PDS5B: variants seen among roughly 807,000 people sequenced by gnomAD.
PDS5B encodes sister chromatid cohesion protein PDS5 homolog B.
PDS5B carries 51 observed loss-of-function variants against 184.1 expected under a neutral mutation model. The ratio of observed to expected loss-of-function variants is 0.28; its 90% CI spans 0.22 to 0.35. The LOEUF (loss-of-function observed/expected upper bound fraction) is 0.35. Ranked by LOEUF, PDS5B falls within the 10% of genes least tolerant of loss-of-function variation. The pLI, the probability that PDS5B is intolerant of heterozygous loss-of-function variation, is 1.00. For missense variants in PDS5B, 1,180 were observed against 1,723.3 expected (o/e 0.68, Z 5.58); for synonymous variants, 566 against 569.2 (o/e 0.99, Z 0.08).
chr13:32,774,275 T>G (rs1210457853), intron 34 of PDS5B, among the ~76,000 whole-genome samples: 2 of 152,216 alleles, frequency 1.3e-5, no homozygotes, highest in Non-Finnish European at 2.9e-5. Flanking sequence ...TCTGTCCTGT[T>G]TAATGGAATC....
At chr13:32,619,216 T>G (rs1313942220) in intron 1 of PDS5B, among the ~76,000 whole-genome samples, 1 of 152,186 alleles carries the variant, frequency 6.6e-6, no homozygotes, top group East Asian at 1.9e-4. Context: ...AGCATCTTTA[T>G]GATATAGACA....
At chr13:32,767,799 A>G (rs1347735962) in intron 31 of PDS5B, among the ~76,000 whole-genome samples, 2 of 152,198 alleles carry the variant, frequency 1.3e-5, no homozygotes, top group Admixed American at 6.5e-5. Flanking sequence ...AACTGAATAT[A>G]TAATTGCAAA....
chr13:32,680,411 T>A (rs1334631205), intron 10 of PDS5B, among the ~76,000 whole-genome samples: 1 of 152,240 alleles, frequency 6.6e-6, no homozygotes, highest in African/African-American at 2.4e-5. Context: ...TACTTCCTCT[T>A]CATCCTGTCA....
intron 3 of PDS5B, among the ~76,000 whole-genome samples, chr13:32,654,544 T>A (rs971645743): frequency 6.6e-6 from 1 of 152,088 alleles, no homozygotes; most frequent in African/African-American, 2.4e-5. Flanking sequence ...TTTAAAAAAT[T>A]GTGTTTTAGG....
chr13:32,720,904 A>G (rs1473078000), intron 19 of PDS5B, among the ~76,000 whole-genome samples: 1 of 152,094 alleles, frequency 6.6e-6, no homozygotes, highest in African/African-American at 2.4e-5. Flanking sequence ...CACCGCCCTT[A>G]ATCCATTTAA....
At chr13:32,672,746 C>G (rs972515012) in intron 7 of PDS5B, among the ~76,000 whole-genome samples, 1 of 152,168 alleles carries the variant, frequency 6.6e-6, no homozygotes, top group African/African-American at 2.4e-5. Context: ...ATTGGGCCTT[C>G]CAGCCTATTT....
Position 32,718,611 on chromosome 13 carries a change from T to C in PDS5B, c.2123+8505T>C, listed in dbSNP as rs1952564174. Among the ~76,000 whole-genome samples the C allele has an allele frequency of 2.6e-5, 4 of 152,226 alleles. No individual in the cohort carries two copies. The South Asian group carries it at 8.3e-4, about 31-fold the overall frequency. ...TGAGATACCACACTATCTCTGCTAT[T>C]GTTTAACATTGTTTTGGAAGCATTA... On this transcript the variant is annotated intron_variant, in intron 19 of 34. Transcript: ENST00000315596.
At chr13:32,594,995 A>G (rs1193889084) in intron 1 of PDS5B, among the ~76,000 whole-genome samples, 2 of 152,174 alleles carry the variant, frequency 1.3e-5, no homozygotes, top group Non-Finnish European at 2.9e-5. Flanking sequence ...TTCTTCTCCA[A>G]GGCTTCTAGT....
chr13:32,626,705 T>C (rs187593172), intron 1 of PDS5B, among the ~76,000 whole-genome samples: 2 of 152,312 alleles, frequency 1.3e-5, no homozygotes, highest in African/African-American at 4.8e-5. Context: ...CTCTTATAAA[T>C]GTACAGTGAG....
intron 30 of PDS5B, among the ~76,000 whole-genome samples, chr13:32,762,366 C>G (rs774865775): frequency 6.6e-6 from 1 of 151,960 alleles, no homozygotes; most frequent in Non-Finnish European, 1.5e-5. Flanking sequence ...TGAAATCTTA[C>G]CAAATTTCTT....
At chr13:32,627,092 A>T (rs980725469) in intron 1 of PDS5B, among the ~76,000 whole-genome samples, 1 of 152,170 alleles carries the variant, frequency 6.6e-6, no homozygotes, top group East Asian at 1.9e-4. Flanking sequence ...TAGAACAATG[A>T]TCTCATGTTC....
intron 24 of PDS5B, among the ~76,000 whole-genome samples, chr13:32,749,551 C>T (rs756020086): frequency 1.3e-5 from 2 of 152,134 alleles, no homozygotes; most frequent in East Asian, 3.8e-4. Flanking sequence ...GAAAGATTTA[C>T]TCTGTACTTC....
At chr13:32,738,907 C>T (rs1042149775) in intron 21 of PDS5B, among the ~76,000 whole-genome samples, 11 of 151,986 alleles carry the variant, frequency 7.2e-5, no homozygotes, top group South Asian at 4.1e-4. Flanking sequence ...CCTGAACTCA[C>T]GTGATCCACC....
rs565663070 is a variant in PDS5B, at chr13:32,696,144, G to A, written c.1552-710G>A. 7.6e-4 allele frequency among the ~76,000 whole-genome samples: 116 copies of A among 152,204 alleles called. 2 individuals carry two copies. Among genetic ancestry groups the A allele is most frequent in the South Asian group, 5.8e-3 (28 of 4,824 alleles). On this transcript the variant is annotated intron_variant, in intron 14 of 34. Transcript: ENST00000315596. The stretch of plus-strand genomic sequence containing the variant: ...CCTCTTAGCAAGCTCATTCTCAATA[G>A]GGATGGTCTTTTTGTGTATTTATTT...
intron 31 of PDS5B, among the ~76,000 whole-genome samples, chr13:32,766,139 G>C (rs535865562): frequency 6.6e-6 from 1 of 152,148 alleles, no homozygotes; most frequent in Admixed American, 6.6e-5. Context: ...TGGTCACCAC[G>C]TTGAAAATGC....
At chr13:32,655,357 G>A (rs1189028990) in intron 3 of PDS5B, among the ~76,000 whole-genome samples, 1 of 25,366 alleles carries the variant, frequency 3.9e-5, no homozygotes, top group African/African-American at 2.1e-4. Flanking sequence ...CATGTTCTTT[G>A]CCATATATAT....
chr13:32,662,210 G>T (rs1162885148), intron 6 of PDS5B, among the ~76,000 whole-genome samples: 1 of 152,078 alleles, frequency 6.6e-6, no homozygotes, highest in African/African-American at 2.4e-5. Flanking sequence ...GTCTTTAATG[G>T]ATAAAGAAGA....
chr13:32,713,647 GA>G (rs1353976380), intron 19 of PDS5B, among the ~76,000 whole-genome samples: 2 of 151,910 alleles, frequency 1.3e-5, no homozygotes, highest in Non-Finnish European at 2.9e-5. Context: ...AAATTGGAGA[GA>G]AAAAATGGAG....
At chr13:32,773,117 A>G (rs1954844603) in intron 33 of PDS5B, 72 bp from the exon 34 acceptor site, 2 of 1,296,914 alleles carry the variant, frequency 1.5e-6, no homozygotes, top group Non-Finnish European at 2.1e-6. Context: ...AATACGTGAA[A>G]CATTTCTTCT....
Sources: gnomAD v4.1 joint callset for allele counts (sites outside exome capture counted in the v4.1 genomes callset) on GRCh38, gnomAD v4.1.1 for gene constraint, MANE v1.5 for transcripts, NCBI Gene and HGNC (gene_info 2026-07-23, HGNC 2026-07-21) for gene names.